Variants in MMP16 observed in about 807,000 individuals in gnomAD.
MMP16 encodes matrix metallopeptidase 16, also known as matrix metalloproteinase-16.
Under a neutral mutation model 67.8 loss-of-function variants are expected in MMP16, and 12 were observed. That is an observed-to-expected ratio of 0.18 (90% CI 0.11 to 0.29). The LOEUF is 0.29. MMP16 is among the 10% of genes least tolerant of loss of function. MMP16 has a pLI of 1.00. For synonymous variants in MMP16, 249 were observed against 255.9 expected (o/e 0.97, Z 0.26); for missense variants, 475 against 765.7 (o/e 0.62, Z 4.48).
chr8:88,209,681 A>G (rs1319560231), intron 1 of MMP16, among the ~76,000 whole-genome samples: 2 of 9,072 alleles, frequency 2.2e-4, no homozygotes, highest in Non-Finnish European at 2.7e-4. Context: ...TACTCTCTCT[A>G]TGTATGTAAC....
intron 8 of MMP16, among the ~76,000 whole-genome samples, chr8:88,049,358 C>A (rs1469160044): frequency 6.6e-6 from 1 of 152,036 alleles, no homozygotes; most frequent in African/African-American, 2.4e-5. Context: ...ATTCTTCTCC[C>A]ACAGAACATT....
At chr8:88,278,999 G>T in intron 1 of MMP16, among the ~76,000 whole-genome samples, 1 of 151,938 alleles carries the variant, frequency 6.6e-6, no homozygotes, top group African/African-American at 2.4e-5. Context: ...TGAGGCAGGC[G>T]GATCATGAGG....
At chr8:88,257,256 T>C (rs916551392) in intron 1 of MMP16, among the ~76,000 whole-genome samples, 2 of 152,212 alleles carry the variant, frequency 1.3e-5, no homozygotes, top group Admixed American at 1.3e-4. Flanking sequence ...GCTCAGAATG[T>C]CTTAGCATGT....
At chr8:88,227,605 T>C (rs972897483) in intron 1 of MMP16, among the ~76,000 whole-genome samples, 5 of 152,038 alleles carry the variant, frequency 3.3e-5, no homozygotes, top group African/African-American at 4.8e-5. Flanking sequence ...AATCAGCATC[T>C]GAATGGCCAG....
At chr8:88,070,726 G>C (rs1305595328) in intron 7 of MMP16, among the ~76,000 whole-genome samples, 1 of 152,080 alleles carries the variant, frequency 6.6e-6, no homozygotes. Flanking sequence ...AAATTATTCA[G>C]ATGGGAAGCT....
At chr8:88,318,707 T>C (rs1178191485) in intron 1 of MMP16, among the ~76,000 whole-genome samples, 3 of 152,168 alleles carry the variant, frequency 2.0e-5, no homozygotes, top group Non-Finnish European at 4.4e-5. Flanking sequence ...GTAACAGAAA[T>C]AGTCATACCA....
At chr8:88,175,473 C>A (rs1434759348) in intron 3 of MMP16, among the ~76,000 whole-genome samples, 2 of 152,086 alleles carry the variant, frequency 1.3e-5, no homozygotes, top group Non-Finnish European at 1.5e-5. Context: ...TTTCTTAACA[C>A]CTTACATACA....
chr8:88,187,806 C>G (rs1363579410), intron 2 of MMP16, among the ~76,000 whole-genome samples: 1 of 152,102 alleles, frequency 6.6e-6, no homozygotes, highest in African/African-American at 2.4e-5. Context: ...TTATTCTGAC[C>G]CCAGTAATGT....
At chr8:88,244,443 T>C (rs1810079686) in intron 1 of MMP16, among the ~76,000 whole-genome samples, 1 of 152,126 alleles carries the variant, frequency 6.6e-6, no homozygotes, top group African/African-American at 2.4e-5. Context: ...TAAGGCAAAA[T>C]AGTAAAAACA....
chr8:88,151,470 A>T (rs1808406047), intron 4 of MMP16, among the ~76,000 whole-genome samples: 1 of 150,546 alleles, frequency 6.6e-6, no homozygotes, highest in African/African-American at 2.5e-5. Flanking sequence ...GAAGTAAAGC[A>T]CTCCTCAGCA....
chr8:88,124,726 C>T (rs1274818921), intron 4 of MMP16, among the ~76,000 whole-genome samples: 1 of 151,816 alleles, frequency 6.6e-6, no homozygotes, highest in Non-Finnish European at 1.5e-5. Flanking sequence ...GTCCTGGATG[C>T]CATAACAAAA....
chr8:88,185,288 G>C (rs1252394493), intron 3 of MMP16, among the ~76,000 whole-genome samples: 1 of 151,944 alleles, frequency 6.6e-6, no homozygotes, highest in South Asian at 2.1e-4. Context: ...GGGAAATCCT[G>C]TGTCTACAAA....
intron 3 of MMP16, among the ~76,000 whole-genome samples, chr8:88,169,190 G>A (rs1808762102): frequency 6.6e-6 from 1 of 152,016 alleles, no homozygotes; most frequent in Non-Finnish European, 1.5e-5. Context: ...GCCCTTTTAA[G>A]ACTTTTTATC....
chr8:88,313,757 T>C (rs1303752605), intron 1 of MMP16, among the ~76,000 whole-genome samples: 1 of 152,078 alleles, frequency 6.6e-6, no homozygotes, highest in Non-Finnish European at 1.5e-5. Flanking sequence ...TTTAATGGAC[T>C]CACAGTTCCA....
intron 1 of MMP16, among the ~76,000 whole-genome samples, chr8:88,278,352 C>T (rs1810681199): frequency 6.6e-6 from 1 of 152,136 alleles, no homozygotes; most frequent in Non-Finnish European, 1.5e-5. Flanking sequence ...GCTATACTGG[C>T]CACATTTGGT....
At chr8:88,141,919 G>GT (rs200516354) in intron 4 of MMP16, among the ~76,000 whole-genome samples, 19,529 of 144,978 alleles carry the variant, frequency 0.13, 1,454 homozygotes, top group South Asian at 0.21. Context: ...ACATAAATAT[G>GT]TTTTTTTTTT....
chr8:88,322,866 A>G (rs1811482120), intron 1 of MMP16, among the ~76,000 whole-genome samples: 2 of 152,078 alleles, frequency 1.3e-5, no homozygotes, highest in South Asian at 4.2e-4. Context: ...CTCTGAACAG[A>G]GAGGCATAGT....
intron 4 of MMP16, among the ~76,000 whole-genome samples, chr8:88,135,633 C>T (rs76956713): frequency 0.055 from 8,286 of 151,702 alleles, 350 homozygotes; most frequent in Admixed American, 0.11. Flanking sequence ...ACATAACAGA[C>T]ATATAAAGAG....
chr8:88,047,216 A>G (rs1808210568), intron 8 of MMP16, among the ~76,000 whole-genome samples: 1 of 152,174 alleles, frequency 6.6e-6, no homozygotes, highest in African/African-American at 2.4e-5. Context: ...AATAATCTTA[A>G]GCAGAATCTT....
Sources: gnomAD v4.1 joint callset for allele counts (sites outside exome capture counted in the v4.1 genomes callset) on GRCh38, gnomAD v4.1.1 for gene constraint, MANE v1.5 for transcripts, NCBI Gene and HGNC (gene_info 2026-07-23, HGNC 2026-07-21) for gene names.